Variants in RBFOX1 observed in about 807,000 individuals in gnomAD.
RBFOX1 encodes the protein RNA binding fox-1 homolog 1.
A neutral mutation model predicts 57.7 loss-of-function variants in RBFOX1; 8 were observed. That is an observed-to-expected ratio of 0.14 (90% CI 0.08 to 0.25). RBFOX1 has a LOEUF of 0.25. RBFOX1 is among the 10% of genes least tolerant of loss of function. The pLI is 1.00. For synonymous variants in RBFOX1, 326 were observed against 222.4 expected (o/e 1.47, Z -4.15); for missense variants, 611 against 548.5 (o/e 1.11, Z -1.14).
intron 4 of RBFOX1, among the ~76,000 whole-genome samples, chr16:7,112,021 G>A (rs1016185148): frequency 6.6e-6 from 1 of 152,144 alleles, no homozygotes; most frequent in African/African-American, 2.4e-5. Context: ...TACTTTTCAT[G>A]AGACAGGAAA....
chr16:6,094,214 G>A (rs995703519), intron 1 of RBFOX1, among the ~76,000 whole-genome samples: 2 of 152,154 alleles, frequency 1.3e-5, no homozygotes, highest in Non-Finnish European at 2.9e-5. Flanking sequence ...CCATGGATGA[G>A]GAAGACCAGC....
chr16:5,905,322 G>A (rs2058431947), intron 4 of RBFOX1, among the ~76,000 whole-genome samples: 1 of 151,874 alleles, frequency 6.6e-6, no homozygotes, highest in African/African-American at 2.4e-5. Context: ...CAAAGTGCTA[G>A]GATTCCAGGC....
chr16:6,909,474 C>G (rs537815070), intron 3 of RBFOX1, among the ~76,000 whole-genome samples: 7 of 152,208 alleles, frequency 4.6e-5, no homozygotes, highest in South Asian at 2.1e-4. Flanking sequence ...ACGATGCAGG[C>G]ATCTTTGGCA....
chr16:5,466,410 C>T (rs1014915146), intron 1 of RBFOX1, among the ~76,000 whole-genome samples: 14 of 151,950 alleles, frequency 9.2e-5, no homozygotes, highest in African/African-American at 3.1e-4. Context: ...GGGTCCTGAC[C>T]CAACGGAGGT....
intron 2 of RBFOX1, among the ~76,000 whole-genome samples, chr16:6,482,705 C>T (rs914258204): frequency 6.6e-6 from 1 of 152,064 alleles, no homozygotes; most frequent in Admixed American, 6.5e-5. Context: ...AGCTGCTTCT[C>T]GGAGATGAAA....
chr16:5,322,996 G>A (rs149941950), intron 1 of RBFOX1, among the ~76,000 whole-genome samples: 2 of 149,252 alleles, frequency 1.3e-5, no homozygotes, highest in East Asian at 2.0e-4. Context: ...GGGCTTCAAA[G>A]TCAGACCTGA....
intron 4 of RBFOX1, among the ~76,000 whole-genome samples, chr16:7,439,358 G>A (rs1247975704): frequency 3.6e-5 from 5 of 138,172 alleles, no homozygotes; most frequent in African/African-American, 1.1e-4. Context: ...TGCTGTGAAA[G>A]GCAGATTAAA....
intron 1 of RBFOX1, among the ~76,000 whole-genome samples, chr16:6,160,539 G>T (rs886252997): frequency 2.0e-5 from 3 of 152,096 alleles, no homozygotes; most frequent in Admixed American, 6.6e-5. Flanking sequence ...TACCACCAGA[G>T]CCTCATACAC....
In RBFOX1 at chr16:5,545,166, C is replaced by A. The variant is rs138279891; in HGVS notation, c.259-53736C>A. Among the ~76,000 whole-genome samples the A allele has an allele frequency of 5.3e-5, 8 of 151,948 alleles. No homozygotes were observed. The East Asian group carries it at 1.5e-3, about 29-fold the overall frequency. ...TAATTTTGGTATTTTTTAGTAGAGA[C>A]AGGGTTTCACTCTGTTGGCCAGGCT... On this transcript the variant is annotated intron_variant, in intron 2 of 2. Transcript: ENST00000585867.
chr16:6,972,202 TC>T (rs1783076796), intron 3 of RBFOX1, among the ~76,000 whole-genome samples: 1 of 152,156 alleles, frequency 6.6e-6, no homozygotes, highest in South Asian at 2.1e-4. Flanking sequence ...GAAAGCTTTT[TC>T]ATCCTCTAAA....
chr16:5,796,090 G>C (rs1405529502), intron 3 of RBFOX1, among the ~76,000 whole-genome samples: 1 of 152,168 alleles, frequency 6.6e-6, no homozygotes, highest in East Asian at 1.9e-4. Context: ...GAGGACTTCT[G>C]TCACTTTGTG....
At chr16:6,859,130 C>CGTATATCTATGT (rs1238966168) in intron 3 of RBFOX1, among the ~76,000 whole-genome samples, 1 of 82,482 alleles carries the variant, frequency 1.2e-5, no homozygotes, top group Non-Finnish European at 2.1e-5. Context: ...TATATATATA[C>CGTATATCTATGT]ATATATATAC....
At chr16:7,313,652 G>A (rs1032941828) in intron 4 of RBFOX1, among the ~76,000 whole-genome samples, 1 of 151,958 alleles carries the variant, frequency 6.6e-6, no homozygotes, top group African/African-American at 2.4e-5. Context: ...TTTATGGAGT[G>A]CTTTGTGACA....
At chr16:6,970,189 A>C (rs568379453) in intron 3 of RBFOX1, among the ~76,000 whole-genome samples, 1 of 151,858 alleles carries the variant, frequency 6.6e-6, no homozygotes, top group African/African-American at 2.4e-5. Flanking sequence ...AAAAAAATAA[A>C]AAAGAAAGAA....
intron 3 of RBFOX1, among the ~76,000 whole-genome samples, chr16:6,888,465 C>A (rs548591953): frequency 6.6e-6 from 1 of 152,254 alleles, no homozygotes; most frequent in African/African-American, 2.4e-5. Flanking sequence ...TCTTGGGTTT[C>A]ATTTTCGGTT....
chr16:7,350,043 T>G (rs991859559), intron 4 of RBFOX1, among the ~76,000 whole-genome samples: 1 of 152,000 alleles, frequency 6.6e-6, no homozygotes, highest in East Asian at 1.9e-4. Context: ...GTTCCTTGGG[T>G]GGCTGAGGTG....
intron 4 of RBFOX1, among the ~76,000 whole-genome samples, chr16:7,367,811 T>C (rs767095291): frequency 5.3e-5 from 8 of 152,118 alleles, no homozygotes; most frequent in Non-Finnish European, 8.8e-5. Context: ...ATCCAGATTT[T>C]TGTGGGGATA....
intron 3 of RBFOX1, among the ~76,000 whole-genome samples, chr16:6,800,938 G>A (rs980828886): frequency 5.3e-5 from 8 of 152,070 alleles, no homozygotes; most frequent in African/African-American, 1.9e-4. Context: ...TCTTGCCCCT[G>A]TTTGAGTATC....
At chr16:6,369,149 A>T (rs971316321) in intron 2 of RBFOX1, among the ~76,000 whole-genome samples, 1 of 152,206 alleles carries the variant, frequency 6.6e-6, no homozygotes, top group African/African-American at 2.4e-5. Flanking sequence ...TTCCTAATCT[A>T]TTGGTAGTAT....
Sources: gnomAD v4.1 joint callset for allele counts (sites outside exome capture counted in the v4.1 genomes callset) on GRCh38, gnomAD v4.1.1 for gene constraint, MANE v1.5 for transcripts, NCBI Gene and HGNC (gene_info 2026-07-23, HGNC 2026-07-21) for gene names.